Variants in ZNF273 observed in about 807,000 individuals in gnomAD.
ZNF273 encodes the protein zinc finger protein 9.
In ZNF273, 11 loss-of-function variants were observed where a neutral mutation model predicts 14.9. That is an observed-to-expected ratio of 0.74 (90% CI 0.46 to 1.22). ZNF273 has a LOEUF of 1.22. Ranked by LOEUF, ZNF273 falls within the 50% of genes most tolerant of loss-of-function variation. The pLI is 0.00. For missense variants in ZNF273, 577 were observed against 660.6 expected, an observed-to-expected ratio of 0.87 and a Z score of 1.39; for synonymous variants, 199 against 223.9, an observed-to-expected ratio of 0.89 and a Z score of 0.99.
intron 1 of ZNF273, among the ~76,000 whole-genome samples, chr7:64,906,882 T>G (rs1318944533): frequency 3.9e-5 from 6 of 152,160 alleles, no homozygotes; most frequent in Non-Finnish European, 8.8e-5. Flanking sequence ...ACAGGCAAAG[T>G]ACCAACTATA....
intron 1 of ZNF273, among the ~76,000 whole-genome samples, chr7:64,885,985 A>G (rs760547542): frequency 1.3e-5 from 2 of 150,588 alleles, no homozygotes; most frequent in East Asian, 1.9e-4. Context: ...AAAAGACTGC[A>G]GGGGCCTTGG....
At chr7:64,897,313 A>T (rs1026825289) in intron 3 of ZNF273, 1 of 152,238 alleles carries the variant, frequency 6.6e-6, no homozygotes, top group Non-Finnish European at 1.5e-5. Context: ...TCTCTCATAA[A>T]AAGCTAATGT....
chr7:64,904,008 G>A (rs1016533773), intron 1 of ZNF273, among the ~76,000 whole-genome samples: 4 of 152,132 alleles, frequency 2.6e-5, no homozygotes, highest in Non-Finnish European at 5.9e-5. Context: ...GTCATCAGAG[G>A]TTAATTGGCA....
chr7:64,917,355 G>A (rs1794079099), intron 1 of ZNF273, among the ~76,000 whole-genome samples: 1 of 152,250 alleles, frequency 6.6e-6, no homozygotes, highest in Non-Finnish European at 1.5e-5. Flanking sequence ...ATCTAGAAAA[G>A]TATCATATAT....
chr7:64,917,111 C>T (rs1450423432), intron 1 of ZNF273: 1 of 1,284,302 alleles, frequency 7.8e-7, no homozygotes, highest in Non-Finnish European at 1.0e-6. Context: ...AAAACATTGG[C>T]ATTACTGGTG....
downstream of ZNF273, among the ~76,000 whole-genome samples, chr7:64,932,242 T>C (rs983073008): frequency 1.3e-5 from 2 of 148,980 alleles, no homozygotes; most frequent in African/African-American, 5.0e-5. Flanking sequence ...AAAAAAAATA[T>C]CTTACTAGAT....
At chr7:64,899,392 C>T (rs962389410), upstream of ZNF273, among the ~76,000 whole-genome samples, 3 of 152,318 alleles carry the variant, frequency 2.0e-5, no homozygotes, top group African/African-American at 2.4e-5. Context: ...CAGTGGCTCA[C>T]GCCTGTAATC....
chr7:64,921,636 TTG>T (rs1491013974), intron 3 of ZNF273, among the ~76,000 whole-genome samples: 1,183 of 33,842 alleles, frequency 0.035, 90 homozygotes, highest in African/African-American at 0.13. Flanking sequence ...TTTTTTTTTT[TTG>T]TGTGTGAGAC....
At chr7:64,915,958 G>C (rs564731483) in intron 1 of ZNF273, among the ~76,000 whole-genome samples, 1 of 152,314 alleles carries the variant, frequency 6.6e-6, no homozygotes, top group Admixed American at 6.5e-5. Flanking sequence ...CACTTTGGGA[G>C]GTTGAGGTGG....
At chr7:64,900,519 G>A (rs905730360), upstream of ZNF273, among the ~76,000 whole-genome samples, 2 of 152,116 alleles carry the variant, frequency 1.3e-5, no homozygotes, top group African/African-American at 2.4e-5. Flanking sequence ...TAAGCAAACC[G>A]GAAGCTTGCA....
rs1478754594 is a variant in ZNF273 at position 64,928,935 on chromosome 7, A to C, written c.1607A>C (p.His536Pro). ...SSNLTRHKKI[H>P]TGEKPYKPKR... ...AACCTTACTCGACATAAGAAAATTC[A>C]TACTGGAGAGAAACCATACAAACCT... The change falls in exon 4 of 4, where the codon CAT (histidine) becomes CCT (proline). Residue 536 changes from histidine to proline, a missense_variant. By Grantham distance (77) the His-to-Pro change is moderately conservative (BLOSUM62 -2). Transcript: ENST00000476120. 6.2e-7 allele frequency: 1 copy of C among 1,613,622 alleles called. No individual in the cohort carries two copies. The highest frequency in any genetic ancestry group is 2.2e-5 in the East Asian group (1 of 44,864).
At chr7:64,895,188 AT>A (rs1452678355) in intron 3 of ZNF273, among the ~76,000 whole-genome samples, 2 of 152,152 alleles carry the variant, frequency 1.3e-5, no homozygotes, top group African/African-American at 2.4e-5. Context: ...TTAATTAATA[AT>A]TTGGTGCTTT....
At chr7:64,905,302 G>C (rs1181330230) in intron 1 of ZNF273, among the ~76,000 whole-genome samples, 3 of 151,782 alleles carry the variant, frequency 2.0e-5, no homozygotes, top group Non-Finnish European at 2.9e-5. Context: ...TTTTTGTAGA[G>C]AGGAGGTTTC....
Position 64,910,762 on chromosome 7 carries a change from A to ATT in ZNF273, c.103-6817_103-6816dup, listed in dbSNP as rs34345525. 5.6e-4 allele frequency among the ~76,000 whole-genome samples: 56 copies of ATT among 100,550 alleles called. 2 individuals carry two copies. The highest frequency in any genetic ancestry group is 1.2e-3 in the African/African-American group (28 of 23,414). 66.0% of individuals were successfully genotyped at this position (100,550 alleles called of 152,430 possible). On this transcript the variant is annotated intron_variant, in intron 1 of 3. Transcript: ENST00000476120. Reference sequence around the variant, plus strand: ...TTGATAAAATAGCATTAAATCTGTAATTTATTTTTTTTTTTTTTTTGAGAC... The same window carrying ATT: ...TTGATAAAATAGCATTAAATCTGTAATTTTTATTTTTTTTTTTTTTTTGAGAC...
chr7:64,908,200 A>G (rs890018156), intron 1 of ZNF273, among the ~76,000 whole-genome samples: 10 of 152,230 alleles, frequency 6.6e-5, no homozygotes, highest in Non-Finnish European at 1.5e-4. Context: ...TAGCACAAAC[A>G]AATCCATCCA....
intron 1 of ZNF273, chr7:64,916,976 T>C: frequency 8.1e-7 from 1 of 1,229,480 alleles, no homozygotes; most frequent in Non-Finnish European, 1.0e-6. Flanking sequence ...TTTCTTAGGT[T>C]TCCTTTGTAT....
At chr7:64,898,307 T>G (rs1047006350), upstream of ZNF273, among the ~76,000 whole-genome samples, 3 of 152,208 alleles carry the variant, frequency 2.0e-5, no homozygotes, top group African/African-American at 7.2e-5. Flanking sequence ...AGCCAGCTGG[T>G]GCCAGGAAAG....
chr7:64,905,830 A>G (rs2129058871), intron 1 of ZNF273, among the ~76,000 whole-genome samples: 1 of 152,318 alleles, frequency 6.6e-6, no homozygotes, highest in South Asian at 2.1e-4. Context: ...GGGGTTTATC[A>G]TCTTGAAAAG....
chr7:64,929,290 C>T lies in ZNF273; in HGVS notation c.*252C>T. 7.0e-6 allele frequency: 2 copies of T among 286,408 alleles called. No homozygotes were observed. The highest frequency in any genetic ancestry group is 2.2e-5 in the African/African-American group (1 of 45,806). 17.7% of individuals were successfully genotyped at this position (286,408 alleles called of 1,614,324 possible). A position where few individuals can be genotyped will look rare whatever the true frequency, so the allele number is the denominator to read the frequency against. On this transcript the variant is annotated 3_prime_UTR_variant, in exon 4 of 4. Coordinates refer to ENST00000476120, the MANE Select transcript of ZNF273 (RefSeq NM_021148.3). ...CAAAAGATCTTTCAGACAATATAAG[C>T]CTGCAAAGTGCAGCAGAGTATTTAT...
Sources: allele counts gnomAD v4.1 joint callset (sites outside exome capture counted in the v4.1 genomes callset), GRCh38; gene constraint gnomAD v4.1.1; transcripts MANE v1.5; gene names NCBI Gene and HGNC (gene_info 2026-07-23, HGNC 2026-07-21).